PHLDB2: variants seen among roughly 807,000 people sequenced by gnomAD.
The protein encoded by PHLDB2 is pleckstrin homology like domain family B member 2.
A neutral mutation model predicts 123.6 loss-of-function variants in PHLDB2; 71 were observed. The ratio of observed to expected loss-of-function variants is 0.57; its 90% CI spans 0.47 to 0.70. PHLDB2 has a LOEUF of 0.70. PHLDB2 is among the 30% of genes least tolerant of loss of function. The probability of loss-of-function intolerance (pLI) is 0.00; values close to 1 mark genes in which losing one functional copy is unlikely to be tolerated. For missense variants in PHLDB2, 1,446 were observed against 1,519.5 expected, an observed-to-expected ratio of 0.95 and a Z score of 0.80; for synonymous variants, 547 against 541.6, an observed-to-expected ratio of 1.01 and a Z score of -0.14.
At chr3:111,777,156 G>GA (rs145647179) in intron 1 of PHLDB2, among the ~76,000 whole-genome samples, 22 of 150,486 alleles carry the variant, frequency 1.5e-4, no homozygotes, top group African/African-American at 3.4e-4. Context: ...ATTCTTACTA[G>GA]AAAAAAAAAT....
At chr3:111,913,774 A>G (rs1202854394) in intron 3 of PHLDB2, 72 bp downstream of exon 3, 1 of 1,427,638 alleles carries the variant, frequency 7.0e-7, no homozygotes, top group Admixed American at 2.2e-5. Context: ...ATGAAAACTG[A>G]TGATTTTATC....
At chr3:111,892,657 A>C (rs978546210) in intron 2 of PHLDB2, among the ~76,000 whole-genome samples, 1 of 152,186 alleles carries the variant, frequency 6.6e-6, no homozygotes, top group Non-Finnish European at 1.5e-5. Context: ...ACTTTCAATT[A>C]AAAATAAAAA....
chr3:111,965,320 G>A (rs2071681264), intron 13 of PHLDB2, among the ~76,000 whole-genome samples: 1 of 152,268 alleles, frequency 6.6e-6, no homozygotes, highest in Non-Finnish European at 1.5e-5. Context: ...ATAAGGATCC[G>A]GTATTCCTAA....
intron 1 of PHLDB2, among the ~76,000 whole-genome samples, chr3:111,880,680 ATT>A (rs59470691): frequency 0.034 from 4,999 of 148,272 alleles, 120 homozygotes; most frequent in Middle Eastern, 0.049. Flanking sequence ...CCTTTGTGGC[ATT>A]TTTTTTTTTT....
At chr3:111,931,616 C>G (rs1336724388) in intron 5 of PHLDB2, among the ~76,000 whole-genome samples, 1 of 152,202 alleles carries the variant, frequency 6.6e-6, no homozygotes, top group Non-Finnish European at 1.5e-5. Context: ...GCTGCCTATG[C>G]CTTCCCTTCA....
At chr3:111,971,444 T>A (rs1292986857) in intron 16 of PHLDB2, among the ~76,000 whole-genome samples, 4 of 128,634 alleles carry the variant, frequency 3.1e-5, no homozygotes, top group Non-Finnish European at 7.0e-5. Context: ...ATTTCAATTT[T>A]AAAAAAATAC....
intron 10 of PHLDB2, among the ~76,000 whole-genome samples, chr3:111,951,561 TA>T (rs1162583165): frequency 6.6e-6 from 1 of 152,122 alleles, no homozygotes; most frequent in African/African-American, 2.4e-5. Flanking sequence ...TGATCAGACC[TA>T]AAAAATCTTT....
chr3:111,825,294 T>C (rs2062601469), intron 1 of PHLDB2, among the ~76,000 whole-genome samples: 1 of 152,224 alleles, frequency 6.6e-6, no homozygotes, highest in South Asian at 2.1e-4. Context: ...ATGAAGATTA[T>C]TACACTATCA....
intron 1 of PHLDB2, among the ~76,000 whole-genome samples, chr3:111,770,259 C>T (rs902704620): frequency 1.3e-5 from 2 of 152,118 alleles, no homozygotes; most frequent in Non-Finnish European, 2.9e-5. Flanking sequence ...GGAACTCAGC[C>T]TGGGGAAACA....
upstream of PHLDB2, among the ~76,000 whole-genome samples, chr3:111,858,472 A>T (rs369025484): frequency 2.6e-5 from 4 of 152,332 alleles, no homozygotes; most frequent in Non-Finnish European, 5.9e-5. Context: ...AAGTATAATT[A>T]AAAAAGAAAT....
chr3:111,780,112 GA>G (rs1040147231), intron 1 of PHLDB2, among the ~76,000 whole-genome samples: 4 of 151,220 alleles, frequency 2.6e-5, no homozygotes, highest in Admixed American at 6.6e-5. Flanking sequence ...CTGTGGTTTG[GA>G]ATGCCCCCAC....
intron 12 of PHLDB2, among the ~76,000 whole-genome samples, chr3:111,954,668 C>A (rs2070930296): frequency 1.3e-5 from 2 of 152,120 alleles, no homozygotes; most frequent in Non-Finnish European, 2.9e-5. Flanking sequence ...GATTAGATTT[C>A]TTGTGTTAAC....
chr3:111,867,894 G>A (rs1271911667), intron 1 of PHLDB2, among the ~76,000 whole-genome samples: 1 of 151,906 alleles, frequency 6.6e-6, no homozygotes, highest in African/African-American at 2.4e-5. Context: ...TAGAGATGGG[G>A]TCTCACCATG....
chr3:111,819,229 G>T (rs1257856710), intron 1 of PHLDB2, among the ~76,000 whole-genome samples: 4 of 151,818 alleles, frequency 2.6e-5, no homozygotes, highest in African/African-American at 4.8e-5. Flanking sequence ...CTGACTGGGG[G>T]TTAGGGCTTC....
chr3:111,841,562 TCA>T (rs1473669025), intron 1 of PHLDB2, among the ~76,000 whole-genome samples: 3 of 152,158 alleles, frequency 2.0e-5, no homozygotes, highest in Non-Finnish European at 4.4e-5. Flanking sequence ...TCTTTTCTTC[TCA>T]CTCATAACCT....
chr3:111,733,410 C>T (rs1304022459), intron 1 of PHLDB2, among the ~76,000 whole-genome samples: 1 of 152,216 alleles, frequency 6.6e-6, no homozygotes, highest in Non-Finnish European at 1.5e-5. Context: ...AGAAATGCTC[C>T]TCTGAAGCTA....
At chr3:111,958,800 T>C (rs1387342299) in intron 12 of PHLDB2, 1 of 444,904 alleles carries the variant, frequency 2.2e-6, no homozygotes, top group African/African-American at 2.0e-5. Flanking sequence ...AACCAAATAG[T>C]CTCAGGGGTT....
intron 6 of PHLDB2, among the ~76,000 whole-genome samples, chr3:111,938,771 A>G (rs1312556249): frequency 1.3e-5 from 2 of 151,854 alleles, no homozygotes; most frequent in Admixed American, 6.6e-5. Context: ...GAAGAAAAGA[A>G]GAGCTTCCTT....
chr3:111,761,917 G>T (rs1559818007), intron 1 of PHLDB2, among the ~76,000 whole-genome samples: 1 of 152,056 alleles, frequency 6.6e-6, no homozygotes, highest in Non-Finnish European at 1.5e-5. Context: ...TACATAAGAA[G>T]AATTACAGAG....
Sources: gnomAD v4.1 joint callset for allele counts (sites outside exome capture counted in the v4.1 genomes callset) on GRCh38, gnomAD v4.1.1 for gene constraint, MANE v1.5 for transcripts, NCBI Gene and HGNC (gene_info 2026-07-23, HGNC 2026-07-21) for gene names.